The following CCND3 variants were observed in gnomAD, a reference collection of about 807,000 sequenced individuals.
CCND3 encodes cyclin D3.
CCND3 carries 9 observed loss-of-function variants against 28.7 expected under a neutral mutation model. The observed-to-expected ratio is 0.31, with a 90% CI of 0.19 to 0.55. The LOEUF (loss-of-function observed/expected upper bound fraction) is 0.55. Among genes scored for constraint, CCND3 ranks in the 20% least tolerant of loss-of-function variants. The probability of loss-of-function intolerance (pLI) is 0.93; values close to 1 mark genes in which losing one functional copy is unlikely to be tolerated. For missense variants in CCND3, 315 were observed against 385.8 expected, an observed-to-expected ratio of 0.82 and a Z score of 1.54; for synonymous variants, 164 against 163.9, an observed-to-expected ratio of 1.00 and a Z score of 0.00.
intron 1 of CCND3, among the ~76,000 whole-genome samples, chr6:41,987,517 C>CTG (rs139188810): frequency 9.6e-4 from 58 of 60,300 alleles, no homozygotes; most frequent in African/African-American, 5.1e-3. Context: ...CTCTCTCTCT[C>CTG]TGTGTGTGTG....
intron 1 of CCND3, among the ~76,000 whole-genome samples, chr6:42,022,507 G>T (rs756144769): frequency 6.6e-6 from 1 of 152,150 alleles, no homozygotes. Context: ...GGTGTGCAGC[G>T]GGCACATCCA....
At chr6:41,948,178 T>TA (rs1268623519) in intron 1 of CCND3, among the ~76,000 whole-genome samples, 2 of 152,050 alleles carry the variant, frequency 1.3e-5, no homozygotes, top group African/African-American at 4.8e-5. Flanking sequence ...TGACACTTCT[T>TA]ATGCTCTTTC....
Position 42,033,189 on chromosome 6 carries a change from C to T in CCND3, c.-46+15312G>A, listed in dbSNP as rs573494702. On this transcript the variant is annotated intron_variant, in intron 1 of 4. Coordinates refer to the CCND3 transcript ENST00000372988. ...TATATTGGCCGGGCATGGTGGCTCA[C>T]GCCTGTAATTCCAGCACTTTGGGAG... Among the ~76,000 whole-genome samples, 5 of 152,050 alleles carry T rather than the reference C, an allele frequency of 3.3e-5. No homozygotes were observed. In the South Asian group the frequency reaches 6.2e-4, roughly 19 times the overall value.
chr6:41,973,575 G>A (rs1762091341), intron 1 of CCND3, among the ~76,000 whole-genome samples: 2 of 152,150 alleles, frequency 1.3e-5, no homozygotes, highest in Admixed American at 6.6e-5. Flanking sequence ...GGTTATCACT[G>A]TAAATCCTGG....
chr6:41,964,379 TGA>T lies in CCND3; in HGVS notation c.-45-23796_-45-23795del, dbSNP rs1491094145. Among the ~76,000 whole-genome samples the T allele has an allele frequency of 6.3e-4, 94 of 148,496 alleles. 1 individual carries two copies. Among genetic ancestry groups the T allele is most frequent in the African/African-American group, 1.9e-3 (72 of 38,510 alleles). On this transcript the variant is annotated intron_variant, in intron 1 of 4. Coordinates refer to the CCND3 transcript ENST00000372988. ...CTGTGTGTGTATGTGTGAATGTGTG[TGA>T]GTGTGTGTGTGCATGTGTGAATGTG...
In CCND3 at chr6:41,989,454, C is replaced by CAAAAAAAAAAAAAAAAAAAAAAAAAAAA. The variant is rs35776222; in HGVS notation, c.-45-48870_-45-48869insTTTTTTTTTTTTTTTTTTTTTTTTTTTT. ...GGGCGACAAGAGTGAAACACTGTCT[C>CAAAAAAAAAAAAAAAAAAAAAAAAAAAA]AAAAAAAAAAAACAAAAAAAAAAAA... is the stretch of plus-strand genomic sequence containing the variant. On this transcript the variant is annotated intron_variant, in intron 1 of 4. Coordinates refer to the CCND3 transcript ENST00000372988. 2.8e-4 allele frequency among the ~76,000 whole-genome samples: 6 copies of CAAAAAAAAAAAAAAAAAAAAAAAAAAAA among 21,706 alleles called. 3 individuals are homozygous for CAAAAAAAAAAAAAAAAAAAAAAAAAAAA. Among genetic ancestry groups the CAAAAAAAAAAAAAAAAAAAAAAAAAAAA allele is most frequent in the African/African-American group, 2.6e-4 (2 of 7,770 alleles). 14.2% of individuals were successfully genotyped at this position (21,706 alleles called of 152,430 possible). A position where few individuals can be genotyped will look rare whatever the true frequency, so the allele number is the denominator to read the frequency against.
At chr6:41,979,171 CAA>C (rs58797317) in intron 1 of CCND3, among the ~76,000 whole-genome samples, 1 of 87,524 alleles carries the variant, frequency 1.1e-5, no homozygotes, top group Non-Finnish European at 2.1e-5. Context: ...AACTCTGTCT[CAA>C]AAAAAAAAAA....
At chr6:42,033,851 CAA>C (rs201674101) in intron 1 of CCND3, among the ~76,000 whole-genome samples, 4 of 125,860 alleles carry the variant, frequency 3.2e-5, no homozygotes, top group African/African-American at 6.0e-5. Context: ...AACTCCGTCT[CAA>C]AAAAAAAAAA....
chr6:41,948,440 G>C (rs1260203048), intron 1 of CCND3, among the ~76,000 whole-genome samples: 1 of 151,824 alleles, frequency 6.6e-6, no homozygotes, highest in Non-Finnish European at 1.5e-5. Flanking sequence ...GGCTCAAGTG[G>C]TCTTCCCACC....
chr6:41,953,059 G>C (rs1271272629), intron 1 of CCND3, among the ~76,000 whole-genome samples: 1 of 152,024 alleles, frequency 6.6e-6, no homozygotes, highest in Non-Finnish European at 1.5e-5. Context: ...ATCACCTGAG[G>C]TCGGGAGTTT....
chr6:42,027,949 G>A (rs1469537580), intron 1 of CCND3, among the ~76,000 whole-genome samples: 7 of 152,042 alleles, frequency 4.6e-5, no homozygotes, highest in Non-Finnish European at 1.0e-4. Flanking sequence ...GTTTTTCCAC[G>A]TTGGTCAGGC....
At chr6:42,027,211 G>A (rs1028957418) in intron 1 of CCND3, among the ~76,000 whole-genome samples, 5 of 152,096 alleles carry the variant, frequency 3.3e-5, no homozygotes, top group African/African-American at 9.7e-5. Context: ...AGGCCGAGAC[G>A]GGCAGATCAC....
intron 1 of CCND3, among the ~76,000 whole-genome samples, chr6:42,032,513 T>C (rs2127437138): frequency 6.6e-6 from 1 of 152,392 alleles, no homozygotes; most frequent in East Asian, 1.9e-4. Context: ...AATTGGTTTC[T>C]GAAGATGGAA....
intron 1 of CCND3, among the ~76,000 whole-genome samples, chr6:41,989,856 A>G (rs887807926): frequency 2.0e-5 from 3 of 152,220 alleles, no homozygotes; most frequent in Non-Finnish European, 4.4e-5. Context: ...ACTTACGTGC[A>G]CACAAAAACC....
chr6:41,941,756 G>A lies in CCND3; in HGVS notation c.-107C>T, dbSNP rs1415291146. On this transcript the variant is annotated 5_prime_UTR_variant, in exon 1 of 5. Transcript: ENST00000372991. The surrounding 1 kb of genome is among the most constrained non-coding windows in gnomAD (Gnocchi z 6.1). ...GGTCTGGCGCTGGCGCTGGCACTGC[G>A]CGGCGGATCCCCAGCCCGCCCGCCG... 6.5e-6 allele frequency: 5 copies of A among 768,924 alleles called. No homozygotes were observed. Among genetic ancestry groups the A allele is most frequent in the East Asian group, 3.6e-5 (1 of 27,974 alleles). 47.6% of individuals were successfully genotyped at this position (768,924 alleles called of 1,614,324 possible).
At chr6:42,036,161 T>C (rs938140634) in intron 1 of CCND3, among the ~76,000 whole-genome samples, 1 of 150,118 alleles carries the variant, frequency 6.7e-6, no homozygotes, top group Non-Finnish European at 1.5e-5. Flanking sequence ...CCCAGCTAAT[T>C]CTTGTATTTT....
chr6:42,027,758 G>GTTT (rs1763923382), intron 1 of CCND3, among the ~76,000 whole-genome samples: 1 of 151,092 alleles, frequency 6.6e-6, no homozygotes. Flanking sequence ...TTGTTTGTTT[G>GTTT]TTTTTGAGAC....
intron 1 of CCND3, among the ~76,000 whole-genome samples, chr6:41,991,350 T>C (rs1176834896): frequency 1.3e-5 from 2 of 152,232 alleles, no homozygotes; most frequent in African/African-American, 4.8e-5. Context: ...TAAGCCACCA[T>C]GCCCAGCCCC....
intron 1 of CCND3, among the ~76,000 whole-genome samples, chr6:42,021,161 C>T (rs1763701654): frequency 6.6e-6 from 1 of 152,178 alleles, no homozygotes; most frequent in South Asian, 2.1e-4. Flanking sequence ...CAATATATAA[C>T]TGTTCTGTTT....
Sources: gnomAD v4.1 joint callset for allele counts (sites outside exome capture counted in the v4.1 genomes callset) on GRCh38, gnomAD v4.1.1 for gene constraint, Gnocchi (gnomAD v3.1) non-coding constraint, MANE v1.5 for transcripts, NCBI Gene and HGNC (gene_info 2026-07-23, HGNC 2026-07-21) for gene names.